Variants in PALM2AKAP2 observed in about 807,000 individuals in gnomAD.
PALM2AKAP2 encodes PALM2-AKAP2 fusion protein.
PALM2AKAP2 carries 37 observed loss-of-function variants against 71.5 expected under a neutral mutation model. That is an observed-to-expected ratio of 0.52 (90% CI 0.40 to 0.68). The LOEUF (loss-of-function observed/expected upper bound fraction) is 0.68. Among genes scored for constraint, PALM2AKAP2 ranks in the 30% least tolerant of loss-of-function variants. The pLI, the probability that PALM2AKAP2 is intolerant of heterozygous loss-of-function variation, is 0.00. For synonymous variants in PALM2AKAP2, 468 were observed against 478.8 expected, an observed-to-expected ratio of 0.98 and a Z score of 0.29; for missense variants, 1,224 against 1,191.8, an observed-to-expected ratio of 1.03 and a Z score of -0.40.
intron 6 of PALM2AKAP2, chr9:109,942,634 A>G (rs958005776): frequency 1.1e-5 from 16 of 1,513,360 alleles, no homozygotes; most frequent in Non-Finnish European, 2.6e-6. Flanking sequence ...TTAACCATTC[A>G]CTGGCTTTTT....
intron 7 of PALM2AKAP2, among the ~76,000 whole-genome samples, chr9:110,043,622 C>T (rs532816734): frequency 6.6e-6 from 1 of 150,434 alleles, no homozygotes; most frequent in African/African-American, 2.4e-5. Flanking sequence ...CAATATTTTA[C>T]TTGCACTTTT....
intron 1 of PALM2AKAP2, among the ~76,000 whole-genome samples, chr9:110,081,738 C>T (rs1834453845): frequency 2.0e-5 from 3 of 152,040 alleles, no homozygotes; most frequent in Admixed American, 2.0e-4. Flanking sequence ...ACTGGAATCT[C>T]ACATCCAGTG....
At chr9:109,644,380 T>G (rs1435362388) in intron 1 of PALM2AKAP2, among the ~76,000 whole-genome samples, 1 of 152,170 alleles carries the variant, frequency 6.6e-6, no homozygotes. Flanking sequence ...TCCCCTTACT[T>G]ACTGTAACCA....
rs575432094 is a variant in PALM2AKAP2 at position 110,165,811 on chromosome 9, G to A, written c.2749-2588G>A. Among the ~76,000 whole-genome samples the A allele has an allele frequency of 7.2e-5, 11 of 152,300 alleles. No homozygotes were observed. In the South Asian group the frequency reaches 2.3e-3, roughly 32 times the overall value. On this transcript the variant is annotated intron_variant, in intron 3 of 3. Transcript: ENST00000374525. ...AAGCACTGTGCCTTATACTTGGTAGGAAACTAATAAATATGTGTAAATTGG... is the reference window on the plus strand; with the variant it reads ...AAGCACTGTGCCTTATACTTGGTAGAAAACTAATAAATATGTGTAAATTGG...
chr9:109,849,048 A>G (rs1304705937), intron 1 of PALM2AKAP2, among the ~76,000 whole-genome samples: 1 of 152,156 alleles, frequency 6.6e-6, no homozygotes, highest in South Asian at 2.1e-4. Flanking sequence ...TTGACTCCAC[A>G]TAGAGGAGAG....
At chr9:109,955,367 C>T (rs1308254472) in intron 6 of PALM2AKAP2, among the ~76,000 whole-genome samples, 1 of 152,108 alleles carries the variant, frequency 6.6e-6, no homozygotes, top group African/African-American at 2.4e-5. Context: ...ATGAATTAAC[C>T]TTAGGTTAAA....
At chr9:109,878,617 G>A (rs1829769637) in intron 2 of PALM2AKAP2, among the ~76,000 whole-genome samples, 1 of 152,182 alleles carries the variant, frequency 6.6e-6, no homozygotes, top group Admixed American at 6.5e-5. Context: ...AGGAATTCCA[G>A]GTTGATTGAA....
intron 1 of PALM2AKAP2, among the ~76,000 whole-genome samples, chr9:110,079,261 C>T (rs897375244): frequency 2.0e-5 from 3 of 152,018 alleles, no homozygotes; most frequent in Non-Finnish European, 2.9e-5. Context: ...TTTGGGAGGC[C>T]GAGGTGGGTA....
At chr9:110,057,812 C>T (rs1833878913) in intron 1 of PALM2AKAP2, among the ~76,000 whole-genome samples, 1 of 152,180 alleles carries the variant, frequency 6.6e-6, no homozygotes, top group South Asian at 2.1e-4. Context: ...CCTACTTAAT[C>T]AGAATCTGCA....
At chr9:109,795,271 T>A (rs1827221345) in intron 1 of PALM2AKAP2, among the ~76,000 whole-genome samples, 1 of 152,210 alleles carries the variant, frequency 6.6e-6, no homozygotes, top group Admixed American at 6.5e-5. Flanking sequence ...AAATCACTGA[T>A]GTAGTATAAC....
exon 5 of PALM2AKAP2, chr9:109,925,072 T>C: frequency 1.2e-6 from 2 of 1,614,170 alleles, no homozygotes; most frequent in Non-Finnish European, 1.7e-6. Context: ...GTTTCTCCAG[T>C]ACGGATGGAG....
rs143084583 is a variant in PALM2AKAP2 at position 109,865,861 on chromosome 9, G to A, written c.46-1630G>A. Among the ~76,000 whole-genome samples the A allele has an allele frequency of 1.3e-3, 202 of 152,312 alleles. 1 individual carries two copies. The highest frequency in any genetic ancestry group is 4.6e-3 in the African/African-American group (193 of 41,576). On this transcript the variant is annotated intron_variant, in intron 1 of 9. Transcript: ENST00000302798. The stretch of plus-strand genomic sequence containing the variant: ...ATAGCAGCTGGACCAGGAAGCCCTA[G>A]CTTTATCATGTGCCATCTCTGAGAT...
chr9:109,652,038 G>A (rs1246808410), intron 1 of PALM2AKAP2, among the ~76,000 whole-genome samples: 2 of 152,098 alleles, frequency 1.3e-5, no homozygotes, highest in Non-Finnish European at 2.9e-5. Flanking sequence ...TTACTGCCAA[G>A]TCAATTAAGT....
chr9:109,718,267 A>G lies in PALM2AKAP2; in HGVS notation c.6-62221A>G, dbSNP rs2118626643. Among the ~76,000 whole-genome samples the G allele has an allele frequency of 2.0e-5, 3 of 151,958 alleles. 1 individual carries two copies. The highest frequency in any genetic ancestry group is 6.8e-3 in the Middle Eastern group (2 of 294). On this transcript the variant is annotated intron_variant, in intron 1 of 6. Transcript: ENST00000374531. ...GCCTAATTTTTTTGTATTTGTAGAG[A>G]TGGGGTTTTGCCATGTTTTCCAGGC...
At chr9:109,937,186 C>G (rs1231185989) in intron 6 of PALM2AKAP2, among the ~76,000 whole-genome samples, 2 of 152,160 alleles carry the variant, frequency 1.3e-5, no homozygotes, top group Non-Finnish European at 2.9e-5. Flanking sequence ...CTCTGCTCCT[C>G]AGACCCATCT....
intron 6 of PALM2AKAP2, among the ~76,000 whole-genome samples, chr9:109,951,865 T>C (rs34788932): frequency 0.33 from 50,496 of 152,036 alleles, 9,035 homozygotes; most frequent in East Asian, 0.69. Context: ...CCCCTTTGCA[T>C]GTCTCTCTCC....
chr9:109,814,656 T>G (rs540597188), intron 1 of PALM2AKAP2, among the ~76,000 whole-genome samples: 1 of 152,328 alleles, frequency 6.6e-6, no homozygotes, highest in African/African-American at 2.4e-5. Flanking sequence ...ATAAGTACTC[T>G]GATAGAGAAG....
intron 1 of PALM2AKAP2, among the ~76,000 whole-genome samples, chr9:109,782,428 T>C (rs1338203529): frequency 2.6e-5 from 4 of 152,234 alleles, no homozygotes; most frequent in Admixed American, 1.3e-4. Context: ...ATTGAAACTA[T>C]TGGAAAAAAT....
intron 1 of PALM2AKAP2, among the ~76,000 whole-genome samples, chr9:109,832,344 G>A (rs1828325357): frequency 6.6e-6 from 1 of 152,278 alleles, no homozygotes; most frequent in African/African-American, 2.4e-5. Context: ...TCTGTAAAAT[G>A]GCAATGACAA....
Sources: gnomAD v4.1 joint callset for allele counts (sites outside exome capture counted in the v4.1 genomes callset) on GRCh38, gnomAD v4.1.1 for gene constraint, MANE v1.5 for transcripts, NCBI Gene and HGNC (gene_info 2026-07-23, HGNC 2026-07-21) for gene names.